EXT2: variants seen among roughly 807,000 people sequenced by gnomAD.
EXT2 encodes the protein exostosin glycosyltransferase 2.
Under a neutral mutation model 81.6 loss-of-function variants are expected in EXT2, and 53 were observed. The observed-to-expected ratio is 0.65, with a 90% CI of 0.52 to 0.82. The LOEUF is 0.82. EXT2 is among the 40% of genes least tolerant of loss of function. The pLI, the probability that EXT2 is intolerant of heterozygous loss-of-function variation, is 0.00. For synonymous variants in EXT2, 320 were observed against 340.0 expected, an observed-to-expected ratio of 0.94 and a Z score of 0.65; for missense variants, 774 against 910.2, an observed-to-expected ratio of 0.85 and a Z score of 1.93.
chr11:44,251,010 A>G lies in EXT2; in HGVS notation c.*6723A>G, dbSNP rs1385447764. Reference sequence around the variant, plus strand: ...AGTAGATCATTGGGGGCTCACCTTGATCTCCTCTCTTCTGTCTACCCTGCA... The same window carrying G: ...AGTAGATCATTGGGGGCTCACCTTGGTCTCCTCTCTTCTGTCTACCCTGCA... On this transcript the variant is annotated 3_prime_UTR_variant, in exon 14 of 14. Coordinates refer to ENST00000533608, the MANE Select transcript of EXT2 (RefSeq NM_207122.2). Among the ~76,000 whole-genome samples the G allele has an allele frequency of 1.3e-5, 2 of 152,118 alleles. No homozygotes were observed. The highest frequency in any genetic ancestry group is 1.3e-4 in the Admixed American group (2 of 15,280).
chr11:44,204,563 G>A (rs1026067848), intron 9 of EXT2, among the ~76,000 whole-genome samples: 10 of 152,180 alleles, frequency 6.6e-5, no homozygotes, highest in Admixed American at 5.2e-4. Flanking sequence ...CCATGAACCC[G>A]TAGCCATCTG....
intron 7 of EXT2, among the ~76,000 whole-genome samples, chr11:44,153,118 A>T (rs1380665553): frequency 2.0e-5 from 3 of 152,258 alleles, no homozygotes; most frequent in Non-Finnish European, 4.4e-5. Flanking sequence ...AAGAACCGAC[A>T]TCTTGACAAT....
At chr11:44,185,154 A>C (rs1183817663) in intron 8 of EXT2, among the ~76,000 whole-genome samples, 3 of 152,174 alleles carry the variant, frequency 2.0e-5, no homozygotes, top group Non-Finnish European at 1.5e-5. Flanking sequence ...TCTCACTTCT[A>C]ACTTCCTTAC....
intron 4 of EXT2, among the ~76,000 whole-genome samples, chr11:44,119,149 T>TATATAC (rs1565201194): frequency 3.8e-5 from 2 of 53,012 alleles, no homozygotes; most frequent in Non-Finnish European, 8.1e-5. Context: ...TATATATATA[T>TATATAC]ATATATATAT....
chr11:44,227,666 A>G (rs565786807), intron 10 of EXT2, among the ~76,000 whole-genome samples: 1 of 152,342 alleles, frequency 6.6e-6, no homozygotes, highest in South Asian at 2.1e-4. Flanking sequence ...ATGGGACACG[A>G]CAAAAGACCT....
At chr11:44,206,660 G>C in intron 9 of EXT2, 133 bp from the exon 10 acceptor site, 1 of 891,256 alleles carries the variant, frequency 1.1e-6, no homozygotes, top group Non-Finnish European at 1.8e-6. Context: ...CCCTGACACA[G>C]TTCTACCTTT....
At chr11:44,109,310 T>TA (rs1954109311) in intron 3 of EXT2, 27 bp downstream of exon 3, 1 of 1,561,820 alleles carries the variant, frequency 6.4e-7, no homozygotes, top group South Asian at 1.1e-5. Context: ...GGGCTGTCCT[T>TA]ATGATGGGTT....
At chr11:44,132,750 C>T (rs564408752) in intron 7 of EXT2, among the ~76,000 whole-genome samples, 4 of 152,196 alleles carry the variant, frequency 2.6e-5, no homozygotes, top group South Asian at 2.1e-4. Flanking sequence ...GGCACTTTCC[C>T]GGCCCCCTTT....
Position 44,130,041 on chromosome 11 carries a change from C to G in EXT2, c.1080-4C>G. The G allele has an allele frequency of 6.2e-6, 10 of 1,613,236 alleles. No individual in the cohort carries two copies. The highest frequency in any genetic ancestry group is 2.2e-5 in the East Asian group (1 of 44,878). On this transcript the variant is annotated splice_polypyrimidine_tract_variant and splice_region_variant and intron_variant, in intron 6 of 13. Coordinates refer to ENST00000533608, the MANE Select transcript of EXT2 (RefSeq NM_207122.2). ...TATGTAAACTGTTTTGCTGTTGTCT[C>G]CAGAGCATCTGTGGTTGTACCAGAA...
At chr11:44,194,302 T>C (rs1448808841) in intron 8 of EXT2, among the ~76,000 whole-genome samples, 1 of 152,220 alleles carries the variant, frequency 6.6e-6, no homozygotes, top group African/African-American at 2.4e-5. Context: ...TTTTATTCCA[T>C]AGACTTTCTG....
intron 13 of EXT2, among the ~76,000 whole-genome samples, chr11:44,238,954 G>T (rs377526683): frequency 6.6e-6 from 1 of 152,188 alleles, no homozygotes; most frequent in East Asian, 1.9e-4. Context: ...TAGAATTTTC[G>T]AACACGAGAC....
chr11:44,185,664 T>G (rs939516384), intron 8 of EXT2, among the ~76,000 whole-genome samples: 1 of 152,230 alleles, frequency 6.6e-6, no homozygotes, highest in Admixed American at 6.5e-5. Flanking sequence ...CATTTTGGTG[T>G]TAGGCTCCTA....
At chr11:44,171,793 T>C (rs1373099915) in intron 8 of EXT2, 51 bp downstream of exon 8, 1 of 1,611,376 alleles carries the variant, frequency 6.2e-7, no homozygotes, top group African/African-American at 1.3e-5. Flanking sequence ...GCTGTCAGGG[T>C]GGGTGGAAGG....
At chr11:44,125,845 G>A (rs1022585876) in intron 5 of EXT2, among the ~76,000 whole-genome samples, 58 of 152,144 alleles carry the variant, frequency 3.8e-4, no homozygotes, top group East Asian at 3.8e-4. Context: ...TTATCAGCAC[G>A]TGTGTCCACA....
chr11:44,226,912 T>C (rs1955843932), intron 10 of EXT2, among the ~76,000 whole-genome samples: 2 of 152,238 alleles, frequency 1.3e-5, no homozygotes, highest in South Asian at 4.1e-4. Context: ...CATTGCCAAA[T>C]TTGATGTGCC....
At chr11:44,187,428 C>T (rs574091429) in intron 8 of EXT2, among the ~76,000 whole-genome samples, 1 of 151,848 alleles carries the variant, frequency 6.6e-6, no homozygotes, top group Non-Finnish European at 1.5e-5. Flanking sequence ...GAACTCCTGG[C>T]CTCGAGCAAT....
rs74881122 is a variant in EXT2 at position 44,249,451 on chromosome 11, A to C, written c.*5164A>C. On this transcript the variant is annotated 3_prime_UTR_variant, in exon 14 of 14. Coordinates refer to ENST00000533608, the MANE Select transcript of EXT2 (RefSeq NM_207122.2). ...AGCTGTGTCTGCTAGAGGCTTCCTC[A>C]GCAAAGCCCCATCTTGTGGACAACC... Among the ~76,000 whole-genome samples the C allele has an allele frequency of 6.2e-3, 949 of 152,356 alleles. 21 individuals carry two copies. The highest frequency in any genetic ancestry group is 0.022 in the African/African-American group (900 of 41,582).
intron 8 of EXT2, among the ~76,000 whole-genome samples, chr11:44,180,207 A>C (rs1052689511): frequency 6.6e-6 from 1 of 152,116 alleles, no homozygotes; most frequent in East Asian, 1.9e-4. Context: ...TAAATTTCTT[A>C]CTCAGAAACC....
intron 9 of EXT2, among the ~76,000 whole-genome samples, chr11:44,203,039 A>T (rs987036748): frequency 7.9e-5 from 12 of 152,226 alleles, no homozygotes; most frequent in Non-Finnish European, 2.9e-5. Flanking sequence ...ACATCTTAGA[A>T]CAGTTTATAC....
Sources: gnomAD v4.1 joint callset for allele counts (sites outside exome capture counted in the v4.1 genomes callset) on GRCh38, gnomAD v4.1.1 for gene constraint, MANE v1.5 for transcripts, NCBI Gene and HGNC (gene_info 2026-07-23, HGNC 2026-07-21) for gene names.